CBARP: variants seen among roughly 807,000 people sequenced by gnomAD.
CBARP encodes CACN subunit beta associated regulatory protein.
Under a neutral mutation model 36.3 loss-of-function variants are expected in CBARP, and 24 were observed. That is an observed-to-expected ratio of 0.66 (90% CI 0.48 to 0.93). CBARP has a LOEUF of 0.93. Ranked by LOEUF, CBARP falls within the 40% of genes least tolerant of loss-of-function variation. The pLI is 0.00. For synonymous variants in CBARP, 586 were observed against 453.2 expected (o/e 1.29, Z -3.72); for missense variants, 1,146 against 980.4 (o/e 1.17, Z -2.26).
At position 1,235,817 on chromosome 19, in the gene CBARP, G is replaced by A; in HGVS notation, c.207C>T (p.Leu69=). Residue 69 remains leucine (L), a synonymous_variant, in exon 3 of 10, where the codon CTC becomes CTT. Coordinates refer to ENST00000650044, the MANE Select transcript of CBARP (RefSeq NM_001393918.1). ...TLVVLSGVLL[L]CKRCWDVHQR... is the part of the protein sequence containing the mutation. ...GGTGGACGTCCCAGCAGCGCTTGCA[G>A]AGGAGCAGGACGCCAGACAACACCA... 1.9e-6 allele frequency: 3 copies of A among 1,610,290 alleles called. No homozygotes were observed. The highest frequency in any genetic ancestry group is 1.7e-4 in the Middle Eastern group (1 of 6,060).
In CBARP at chr19:1,229,839, G is replaced by A; in HGVS notation, c.1458C>T (p.Pro486=). Residue 486 remains proline, a synonymous_variant, in exon 10 of 10, where the codon CCC becomes CCT. Transcript: ENST00000650044. This position sits in a 1 kb window ranked among gnomAD's most constrained non-coding sequence, Gnocchi z 5.1. ...AAPAFPPPSP[P]APRPKDGEAR... The stretch of plus-strand genomic sequence containing the variant: ...CCTCGCCGTCCTTGGGCCGCGGCGC[G>A]GGCGGGGAGGGCGGCGGGAAGGCGG... 1.0e-6 allele frequency: 1 copy of A among 984,422 alleles called. No individual in the cohort carries two copies. Among genetic ancestry groups the A allele is most frequent in the African/African-American group, 1.8e-5 (1 of 56,732 alleles). The allele number at this position is 984,422 out of a possible 1,614,324, so 61.0% of individuals were successfully genotyped here.
At chr19:1,234,080 G>T in intron 7 of CBARP, 111 bp downstream of exon 7, 1 of 1,278,956 alleles carries the variant, frequency 7.8e-7, no homozygotes, top group Non-Finnish European at 1.0e-6. Context: ...GGCCAAGGAG[G>T]GCTGCGGTGG....
Position 1,235,501 on chromosome 19 carries a change from CT to C in CBARP, c.309del (p.Asp104ThrfsTer52). ...ACAGCCAGGCTGGCCAGCACCTCAC[CT>C]TGGGCTGGGTGGGTGCCGTTGTCCA... ...TYLDNGTHPA[Q>X]DPDFRGEDPE... is the part of the protein sequence containing the mutation. On this transcript the variant is annotated frameshift_variant and splice_region_variant, in exon 4 of 10. Coordinates refer to ENST00000650044, the MANE Select transcript of CBARP (RefSeq NM_001393918.1). LOFTEE classifies it high-confidence loss of function. 6.3e-7 allele frequency: 1 copy of C among 1,591,698 alleles called. No individual in the cohort carries two copies. The highest frequency in any genetic ancestry group is 1.1e-5 in the South Asian group (1 of 87,604).
At position 1,229,464 on chromosome 19, in the gene CBARP, G is replaced by C; in HGVS notation, c.1833C>G (p.Pro611=). ...CGCCGCGCCGCAAGGGCGCACGCGC[G>C]GGTCGGGCCGCGCCGGCAGGCGGTG... ...TPAPPAGAAR[P]ARAPLRRGDS... is the part of the protein sequence containing the mutation. The change falls in exon 10 of 10, where the codon CCC becomes CCG. Residue 611 remains proline, a synonymous_variant. Coordinates refer to ENST00000650044, the MANE Select transcript of CBARP (RefSeq NM_001393918.1). This position sits in a 1 kb window ranked among gnomAD's most constrained non-coding sequence, Gnocchi z 5.1. 1.0e-6 allele frequency: 1 copy of C among 979,108 alleles called. No individual in the cohort carries two copies. The highest frequency in any genetic ancestry group is 1.2e-6 in the Non-Finnish European group (1 of 827,662). The allele number at this position is 979,108 out of a possible 1,614,324, so 60.7% of individuals were successfully genotyped here. A position where few individuals can be genotyped will look rare whatever the true frequency, so the allele number is the denominator to read the frequency against.
chr19:1,230,024 C>G lies in CBARP; in HGVS notation c.1273G>C (p.Ala425Pro). Residue 425 changes from alanine to proline, a missense_variant, in exon 10 of 10, where the codon GCG becomes CCG. Coordinates refer to ENST00000650044, the MANE Select transcript of CBARP (RefSeq NM_001393918.1). ...PPLEPDAERD[A>P]GPEQAQTSYR... ...CTGGTCTGGGCCTGCTCGGGGCCCG[C>G]GTCCCGCTCGGCGTCCGGCTCCAGT... 8.1e-7 allele frequency: 1 copy of G among 1,229,302 alleles called. No homozygotes were observed. The highest frequency in any genetic ancestry group is 1.0e-6 in the Non-Finnish European group (1 of 963,448). The allele number at this position is 1,229,302 out of a possible 1,614,324, so 76.1% of individuals were successfully genotyped here.
chr19:1,237,576 C>T (rs1316104151), intron 1 of CBARP, among the ~76,000 whole-genome samples, 180 bp downstream of exon 1: 2 of 151,444 alleles, frequency 1.3e-5, no homozygotes, highest in African/African-American at 4.8e-5. Context: ...GAGGCTGGGG[C>T]GGGGCCTGAG....
chr19:1,230,692 G>A, intron 9 of CBARP: 1 of 1,280,106 alleles, frequency 7.8e-7, no homozygotes, highest in Non-Finnish European at 9.9e-7. Context: ...TTGCCCTTGG[G>A]TTGGGGGAGG....
At position 1,233,442 on chromosome 19, in the gene CBARP, G is replaced by A. The variant is rs1190490860; in HGVS notation, c.963C>T (p.Ala321=). ...ACAGCTCACCTCTCGTGTCCAGACTGGCTGCCCGCTGGCTGGGCTCCAGCT... is the reference window on the plus strand; with the variant it reads ...ACAGCTCACCTCTCGTGTCCAGACTAGCTGCCCGCTGGCTGGGCTCCAGCT... ...KWKLEPSQRA[A]SLDTRGSPKR... is the part of the protein sequence containing the mutation. Residue 321 remains alanine, a synonymous_variant, in exon 8 of 10, where the codon GCC becomes GCT. Transcript: ENST00000650044. 1.3e-6 allele frequency: 2 copies of A among 1,593,372 alleles called. No individual in the cohort carries two copies. Among genetic ancestry groups the A allele is most frequent in the Middle Eastern group, 1.7e-4 (1 of 6,034 alleles).
chr19:1,231,626 C>T (rs77498025), intron 8 of CBARP, among the ~76,000 whole-genome samples: 6,230 of 134,830 alleles, frequency 0.046, 190 homozygotes, highest in East Asian at 0.14. Flanking sequence ...TGCCTGTACC[C>T]TCCTACACAC....
At chr19:1,234,024 G>C (rs747866480) in intron 7 of CBARP, among the ~76,000 whole-genome samples, 167 bp downstream of exon 7, 2 of 152,196 alleles carry the variant, frequency 1.3e-5, no homozygotes, top group Non-Finnish European at 2.9e-5. Flanking sequence ...GCCTGTGTCC[G>C]GTGTGCGGCC....
In CBARP at chr19:1,231,113, G is replaced by A. The variant is rs766368928; in HGVS notation, c.1142C>T (p.Pro381Leu). 5.0e-6 allele frequency: 8 copies of A among 1,597,882 alleles called. No individual in the cohort carries two copies. The highest frequency in any genetic ancestry group is 4.4e-5 in the South Asian group (4 of 90,034). The stretch of plus-strand genomic sequence containing the variant: ...TACTGAAAAATACCTGCCGAGAGCA[G>A]GGGGCGGGCTGGCCAGAAAGGGGCG... The part of the protein sequence containing the change: ...HPRPFLASPP[P>L]ALGRLEAAEA... Residue 381 changes from proline (P) to leucine (L), a missense_variant, in exon 9 of 10, where the codon CCT becomes CTT. Coordinates refer to ENST00000650044, the MANE Select transcript of CBARP (RefSeq NM_001393918.1).
rs759428741 is a variant in CBARP at position 1,234,585 on chromosome 19, G to A, written c.613C>T (p.Leu205=). ...CATAGGCTCACCTGGAAGATGGCCA[G>A]AGTGGCCTTGGGAGAGGTGGCCGGG... ...PHPATSPKAT[L]AIFQPPGKAL... Residue 205 remains leucine (L), a synonymous_variant, in exon 6 of 10, where the codon CTG becomes TTG. Coordinates refer to ENST00000650044, the MANE Select transcript of CBARP (RefSeq NM_001393918.1). The A allele has an allele frequency of 1.2e-6, 2 of 1,605,550 alleles. No individual in the cohort carries two copies. Among genetic ancestry groups the A allele is most frequent in the South Asian group, 2.2e-5 (2 of 89,196 alleles).
intron 5 of CBARP, 57 bp downstream of exon 5, chr19:1,234,944 C>T: frequency 6.4e-7 from 1 of 1,559,608 alleles, no homozygotes; most frequent in Non-Finnish European, 8.7e-7. Context: ...CTCCCCCGTC[C>T]CGGCGGCCAG....
chr19:1,229,094 C>T lies in CBARP; in HGVS notation c.*85G>A, dbSNP rs1200841919. ...CGGTCCCCGCGCATTCGCGTCGGGG[C>T]GTCGCGCCCCCACGTCTCTCCCGCC... is the stretch of plus-strand genomic sequence containing the variant. On this transcript the variant is annotated 3_prime_UTR_variant, in exon 10 of 10. Transcript: ENST00000650044. The surrounding 1 kb of genome is among the most constrained non-coding windows in gnomAD (Gnocchi z 5.1). The T allele has an allele frequency of 3.1e-5, 13 of 424,752 alleles. No homozygotes were observed. The highest frequency in any genetic ancestry group is 4.4e-5 in the African/African-American group (2 of 45,936). 26.3% of individuals were successfully genotyped at this position (424,752 alleles called of 1,614,324 possible).
At chr19:1,236,837 C>A (rs995823562) in intron 1 of CBARP, among the ~76,000 whole-genome samples, 1 of 19,854 alleles carries the variant, frequency 5.0e-5, no homozygotes, top group Non-Finnish European at 9.3e-5. Flanking sequence ...GGAGGGGGCG[C>A]GGGGGCGGCG....
intron 3 of CBARP, 34 bp from the exon 4 acceptor site, chr19:1,235,599 G>T: frequency 6.3e-7 from 1 of 1,598,348 alleles, no homozygotes; most frequent in Non-Finnish European, 8.5e-7. Context: ...CAGTGGCACG[G>T]AGGGCCCAGA....
chr19:1,233,529 G>A lies in CBARP; in HGVS notation c.876C>T (p.Thr292=), dbSNP rs759882310. 7.5e-6 allele frequency: 12 copies of A among 1,604,760 alleles called. No individual in the cohort carries two copies. The South Asian group carries it at 1.2e-4, about 16-fold the overall frequency. ...CCAGGCTGGCATGGCGGCGCAGGCG[G>A]GTGAGGAACTGCAGAACGGTACCTG... ...SGAGTVLQFL[T]RLRRHASLDG... Residue 292 remains threonine (T), a synonymous_variant, in exon 8 of 10, where the codon ACC becomes ACT. Coordinates refer to ENST00000650044, the MANE Select transcript of CBARP (RefSeq NM_001393918.1).
At chr19:1,230,773 G>C in intron 9 of CBARP, 1 of 1,374,334 alleles carries the variant, frequency 7.3e-7, no homozygotes, top group Non-Finnish European at 9.4e-7. Flanking sequence ...CATGGGCGGG[G>C]CGGGGGTGGG....
chr19:1,228,673 C>T lies in CBARP; in HGVS notation c.*506G>A, dbSNP rs1490848834. ...GTCGGCAGTCACGGTGTTGAGCCGC[C>T]TCCCGGCCCAGGGCGGCGAACTCGT... On this transcript the variant is annotated 3_prime_UTR_variant, in exon 10 of 10. Transcript: ENST00000650044. The T allele has an allele frequency of 6.6e-6, 1 of 152,586 alleles. No homozygotes were observed. The highest frequency in any genetic ancestry group is 1.8e-4 in the East Asian group (1 of 5,692). 9.5% of individuals were successfully genotyped at this position (152,586 alleles called of 1,614,324 possible). A position where few individuals can be genotyped will look rare whatever the true frequency, so the allele number is the denominator to read the frequency against.
Sources: gnomAD v4.1 joint callset for allele counts (sites outside exome capture counted in the v4.1 genomes callset) on GRCh38, gnomAD v4.1.1 for gene constraint, Gnocchi (gnomAD v3.1) non-coding constraint, MANE v1.5 for transcripts, NCBI Gene and HGNC (gene_info 2026-07-23, HGNC 2026-07-21) for gene names.